The following ATF7IP variants were observed in gnomAD, a reference collection of about 807,000 sequenced individuals.
ATF7IP encodes the protein activating transcription factor 7 interacting protein, also known as activating transcription factor 7-interacting protein 1.
ATF7IP carries 23 observed loss-of-function variants against 106.4 expected under a neutral mutation model. That is an observed-to-expected ratio of 0.22 (90% CI 0.16 to 0.31). The LOEUF is 0.31. Ranked by LOEUF, ATF7IP falls within the 10% of genes least tolerant of loss-of-function variation. The pLI, the probability that ATF7IP is intolerant of heterozygous loss-of-function variation, is 1.00. For synonymous variants in ATF7IP, 542 were observed against 539.0 expected (o/e 1.01, Z -0.08); for missense variants, 1,334 against 1,524.3 (o/e 0.88, Z 2.08).
At chr12:14,415,393 G>T (rs999367956) in intron 1 of ATF7IP, among the ~76,000 whole-genome samples, 1 of 152,172 alleles carries the variant, frequency 6.6e-6, no homozygotes, top group African/African-American at 2.4e-5. Context: ...GCAACAAGAA[G>T]TTAGATTGTA....
chr12:14,462,126 ATCAC>A (rs1162145422), intron 9 of ATF7IP, among the ~76,000 whole-genome samples: 1 of 152,134 alleles, frequency 6.6e-6, no homozygotes, highest in Non-Finnish European at 1.5e-5. Flanking sequence ...GAAGCTGGAT[ATCAC>A]TCATCATTAT....
chr12:14,424,997 C>T lies in ATF7IP; in HGVS notation c.1082C>T (p.Ser361Leu), dbSNP rs1445355229. The T allele has an allele frequency of 1.9e-6, 3 of 1,610,954 alleles. No individual in the cohort carries two copies. The highest frequency in any genetic ancestry group is 2.2e-5 in the South Asian group (2 of 90,024). The change falls in exon 2 of 15, where the codon TCA (serine) becomes TTA (leucine). Residue 361 changes from serine to leucine, a missense_variant. Ser to Leu is a moderately radical substitution (Grantham distance 145, BLOSUM62 -2). Transcript: ENST00000261168. ...TLETDDTTIC[S>L]DRPPENEKKV... ...GAAACAGATGATACAACTATTTGTT[C>T]AGATCGACCTCCTGAAAATGAAAAG...
At chr12:14,464,610 T>C (rs11830168) in intron 9 of ATF7IP, among the ~76,000 whole-genome samples, 3,038 of 152,278 alleles carry the variant, frequency 0.02, 100 homozygotes, top group African/African-American at 0.069. Flanking sequence ...GATGGAGTTA[T>C]AATATTTATA....
At position 14,425,599 on chromosome 12, in the gene ATF7IP, A is replaced by G; in HGVS notation, c.1558+126A>G. 4 of 928,878 alleles carry G rather than the reference A, an allele frequency of 4.3e-6. No homozygotes were observed. The South Asian group carries it at 6.7e-5, about 16-fold the overall frequency. The allele number at this position is 928,878 out of a possible 1,614,324, so 57.5% of individuals were successfully genotyped here. A position where few individuals can be genotyped will look rare whatever the true frequency, so the allele number is the denominator to read the frequency against. ...AAGTTGAGAATGGTGATGACTCTAT[A>G]GAAAGATGTCTTAACTTCATAGAAT... On this transcript the variant is annotated intron_variant, in intron 2 of 14. Transcript: ENST00000261168.
intron 5 of ATF7IP, among the ~76,000 whole-genome samples, chr12:14,438,501 G>T (rs1302020741): frequency 6.6e-6 from 1 of 152,200 alleles, no homozygotes; most frequent in African/African-American, 2.4e-5. Flanking sequence ...GAAGATCAAG[G>T]TGTCAGCAGT....
At position 14,436,099 on chromosome 12, in the gene ATF7IP, T is replaced by G. The variant is rs369043184; in HGVS notation, c.1646-7T>G. ...CTGAGTGTGATCATTGTGGTTTTCC[T>G]TCTCAGATGAATTTTCTAGACGAAA... On this transcript the variant is annotated splice_region_variant and splice_polypyrimidine_tract_variant and intron_variant, in intron 3 of 14. Coordinates refer to ENST00000261168, the MANE Select transcript of ATF7IP (RefSeq NM_018179.5). 2.5e-6 allele frequency: 4 copies of G among 1,611,786 alleles called. No individual in the cohort carries two copies. In the African/African-American group the frequency reaches 4.0e-5, roughly 16 times the overall value.
At chr12:14,451,774 A>G (rs1168399444) in intron 6 of ATF7IP, among the ~76,000 whole-genome samples, 1 of 152,214 alleles carries the variant, frequency 6.6e-6, no homozygotes, top group East Asian at 1.9e-4. Flanking sequence ...GGGTTGTGAC[A>G]TGCGACCTAT....
At chr12:14,484,032 G>A (rs187418775) in intron 13 of ATF7IP, among the ~76,000 whole-genome samples, 76 of 152,208 alleles carry the variant, frequency 5.0e-4, no homozygotes, top group Non-Finnish European at 2.2e-4. Context: ...CTATTCCAGG[G>A]AGGACAAACC....
At chr12:14,375,682 A>G (rs925891887) in intron 1 of ATF7IP, among the ~76,000 whole-genome samples, 6 of 152,196 alleles carry the variant, frequency 3.9e-5, no homozygotes, top group Non-Finnish European at 8.8e-5. Flanking sequence ...AGTGTTCTTT[A>G]TCTTTAAAAT....
At chr12:14,483,636 C>T (rs996237232) in intron 13 of ATF7IP, among the ~76,000 whole-genome samples, 2 of 152,068 alleles carry the variant, frequency 1.3e-5, no homozygotes, top group Admixed American at 6.6e-5. Flanking sequence ...TCCACTTCCA[C>T]CCCCTGATTC....
intron 10 of ATF7IP, among the ~76,000 whole-genome samples, chr12:14,473,666 GA>G: frequency 6.6e-6 from 1 of 152,094 alleles, no homozygotes; most frequent in East Asian, 1.9e-4. Context: ...TCAAACTGAA[GA>G]ATGTCCTTAA....
intron 13 of ATF7IP, among the ~76,000 whole-genome samples, chr12:14,493,604 A>G (rs766143384): frequency 5.3e-5 from 8 of 152,200 alleles, no homozygotes; most frequent in Non-Finnish European, 8.8e-5. Context: ...AAAAAGCTTC[A>G]TCAGAATTTA....
intron 13 of ATF7IP, among the ~76,000 whole-genome samples, chr12:14,487,005 C>T (rs950938228): frequency 6.6e-6 from 1 of 152,150 alleles, no homozygotes; most frequent in Admixed American, 6.5e-5. Context: ...TCCCAATCTC[C>T]TTAGTCTTTG....
At position 14,446,904 on chromosome 12, in the gene ATF7IP, CT is replaced by C. The variant is rs902378328; in HGVS notation, c.1930-79del. On this transcript the variant is annotated intron_variant, in intron 5 of 14. Transcript: ENST00000261168. ...TGAGGATCCTGTTTTCTATAGGTTT[CT>C]TTTTATATATTCATGGTTTTTTTTT... The C allele has an allele frequency of 2.1e-5, 19 of 907,646 alleles. No homozygotes were observed. The African/African-American group carries it at 3.9e-4, about 19-fold the overall frequency. The allele number at this position is 907,646 out of a possible 1,614,324, so 56.2% of individuals were successfully genotyped here. A position where few individuals can be genotyped will look rare whatever the true frequency, so the allele number is the denominator to read the frequency against.
chr12:14,467,132 C>T (rs1943864311), intron 10 of ATF7IP, among the ~76,000 whole-genome samples: 1 of 151,992 alleles, frequency 6.6e-6, no homozygotes, highest in African/African-American at 2.4e-5. Flanking sequence ...TACTTCTTTC[C>T]TGTATTAACA....
At chr12:14,469,525 T>C (rs1229277032) in intron 10 of ATF7IP, among the ~76,000 whole-genome samples, 1 of 151,680 alleles carries the variant, frequency 6.6e-6, no homozygotes, top group Non-Finnish European at 1.5e-5. Context: ...TTGCATATAA[T>C]TTATTATTGT....
chr12:14,383,715 C>G (rs1380848656), intron 1 of ATF7IP, among the ~76,000 whole-genome samples: 2 of 152,052 alleles, frequency 1.3e-5, no homozygotes, highest in African/African-American at 2.4e-5. Flanking sequence ...ACCACACCTG[C>G]TAATGTTTTA....
At chr12:14,473,685 T>G (rs1187707087) in intron 10 of ATF7IP, among the ~76,000 whole-genome samples, 1 of 152,090 alleles carries the variant, frequency 6.6e-6, no homozygotes, top group Non-Finnish European at 1.5e-5. Context: ...TAAGCTCATC[T>G]TTACAGTGTA....
At position 14,466,530 on chromosome 12, in the gene ATF7IP, C is replaced by T. The variant is rs1473942866; in HGVS notation, c.2802C>T (p.Asn934=). Residue 934 remains asparagine, a synonymous_variant, in exon 10 of 15, where the codon AAC becomes AAT. Coordinates refer to ENST00000261168, the MANE Select transcript of ATF7IP (RefSeq NM_018179.5). ...ATGGCTTTTTTTACTTTTCAGAAAA[C>T]CAGACAAACAAAACAATAGATGCTT... ...QNSNTTPRIE[N]QTNKTIDASV... The T allele has an allele frequency of 1.3e-6, 2 of 1,596,158 alleles. No homozygotes were observed. Among genetic ancestry groups the T allele is most frequent in the Admixed American group, 3.6e-5 (2 of 55,798 alleles).
Sources: allele counts gnomAD v4.1 joint callset (sites outside exome capture counted in the v4.1 genomes callset), GRCh38; gene constraint gnomAD v4.1.1; transcripts MANE v1.5; gene names NCBI Gene and HGNC (gene_info 2026-07-23, HGNC 2026-07-21).